The following SRGAP3 variants were observed in gnomAD, a reference collection of about 807,000 sequenced individuals.
SRGAP3 encodes SLIT-ROBO Rho GTPase activating protein 3.
SRGAP3 carries 39 observed loss-of-function variants against 121.1 expected under a neutral mutation model. The ratio of observed to expected loss-of-function variants is 0.32; its 90% CI spans 0.25 to 0.42. The LOEUF (loss-of-function observed/expected upper bound fraction) is 0.42, where lower values mean the gene tolerates loss of function less well. Among genes scored for constraint, SRGAP3 ranks in the 10% least tolerant of loss-of-function variants. SRGAP3 has a pLI of 1.00. For missense variants in SRGAP3, 1,213 were observed against 1,470.6 expected (o/e 0.82, Z 2.86); for synonymous variants, 601 against 570.0 (o/e 1.05, Z -0.77).
At chr3:9,270,897 C>T (rs774582394) in intron 3 of SRGAP3, among the ~76,000 whole-genome samples, 12 of 152,038 alleles carry the variant, frequency 7.9e-5, no homozygotes, top group Non-Finnish European at 1.5e-4. Flanking sequence ...TACCAATAAC[C>T]GCTGAAGACA....
At chr3:9,253,539 A>G (rs1954062676), upstream of SRGAP3, among the ~76,000 whole-genome samples, 1 of 152,200 alleles carries the variant, frequency 6.6e-6, no homozygotes, top group Non-Finnish European at 1.5e-5. Flanking sequence ...TTTGGTTGAA[A>G]GTACTTTTAT....
chr3:9,000,127 C>T (rs868142333), intron 18 of SRGAP3, among the ~76,000 whole-genome samples: 49 of 152,314 alleles, frequency 3.2e-4, no homozygotes, highest in Middle Eastern at 6.8e-3. Flanking sequence ...AGTCACAGGG[C>T]TTTCTTCCTG....
At chr3:9,245,052 C>T (rs1877380) in intron 1 of SRGAP3, among the ~76,000 whole-genome samples, 15,538 of 152,146 alleles carry the variant, frequency 0.1, 879 homozygotes, top group East Asian at 0.21. Flanking sequence ...ATCTAGAGAA[C>T]CACATTTAGA....
In SRGAP3 at chr3:8,984,500, T is replaced by C. The variant is rs1941575280; in HGVS notation, c.*1019A>G. 1 of 232,392 alleles carries C rather than the reference T, an allele frequency of 4.3e-6. No individual in the cohort carries two copies. The highest frequency in any genetic ancestry group is 1.8e-4 in the South Asian group (1 of 5,536). 14.4% of individuals were successfully genotyped at this position (232,392 alleles called of 1,614,324 possible). Reference sequence around the variant, plus strand: ...AACCTCTATAGTTACCACAGATTTATTCCTACAGCATTTCTAGGTTTTGGA... The same window carrying C: ...AACCTCTATAGTTACCACAGATTTACTCCTACAGCATTTCTAGGTTTTGGA... On this transcript the variant is annotated 3_prime_UTR_variant, in exon 22 of 22. Transcript: ENST00000383836.
intron 3 of SRGAP3, among the ~76,000 whole-genome samples, chr3:9,084,760 GT>G (rs1947386008): frequency 6.6e-6 from 1 of 152,166 alleles, no homozygotes; most frequent in Non-Finnish European, 1.5e-5. Flanking sequence ...GTGTCTTTGA[GT>G]TTACAGTCCA....
intron 1 of SRGAP3, among the ~76,000 whole-genome samples, chr3:9,170,566 G>A (rs1950941660): frequency 6.6e-6 from 1 of 152,180 alleles, no homozygotes; most frequent in Non-Finnish European, 1.5e-5. Flanking sequence ...CAAATGGGGA[G>A]AAGGTTTTAG....
At chr3:9,042,185 T>G (rs899536091) in intron 10 of SRGAP3, among the ~76,000 whole-genome samples, 4 of 151,796 alleles carry the variant, frequency 2.6e-5, no homozygotes, top group Non-Finnish European at 2.9e-5. Context: ...ATCAAAAAGA[T>G]TATAATTTTG....
intron 9 of SRGAP3, among the ~76,000 whole-genome samples, chr3:9,052,522 C>G (rs967845275): frequency 2.6e-5 from 4 of 152,108 alleles, no homozygotes; most frequent in African/African-American, 9.7e-5. Flanking sequence ...AACTAAAGCC[C>G]CAGTCCCCGT....
chr3:9,096,801 C>A (rs1947984073), intron 3 of SRGAP3, among the ~76,000 whole-genome samples: 2 of 150,274 alleles, frequency 1.3e-5, no homozygotes, highest in Middle Eastern at 3.5e-3. Context: ...AAAAATTCTT[C>A]CTTCATCCCA....
intron 3 of SRGAP3, among the ~76,000 whole-genome samples, chr3:9,302,049 A>G (rs1234919134): frequency 2.6e-5 from 4 of 152,074 alleles, no homozygotes; most frequent in African/African-American, 9.7e-5. Context: ...TAACATTTTT[A>G]TTGTGCTTAT....
intron 12 of SRGAP3, chr3:9,028,183 G>A: frequency 6.2e-7 from 1 of 1,609,002 alleles, no homozygotes; most frequent in Non-Finnish European, 8.5e-7. Context: ...AAAAGATTAT[G>A]CAGGAATAAG....
At chr3:9,320,901 TTATATA>T (rs769918525) in intron 3 of SRGAP3, among the ~76,000 whole-genome samples, 1 of 151,578 alleles carries the variant, frequency 6.6e-6, no homozygotes, top group East Asian at 1.9e-4. Context: ...TATGTTCACA[TTATATA>T]TATATAGTGT....
At chr3:9,211,091 T>C (rs769853756) in intron 1 of SRGAP3, among the ~76,000 whole-genome samples, 22 of 152,186 alleles carry the variant, frequency 1.4e-4, no homozygotes, top group Non-Finnish European at 2.4e-4. Context: ...TTTTCTTAAT[T>C]AGGTATTTTT....
chr3:9,236,630 CT>C (rs1953420741), intron 1 of SRGAP3, among the ~76,000 whole-genome samples: 2 of 152,100 alleles, frequency 1.3e-5, no homozygotes, highest in Non-Finnish European at 2.9e-5. Context: ...CCTGCTTCCC[CT>C]TCACCTTCTG....
intron 2 of SRGAP3, 91 bp downstream of exon 2, chr3:9,124,634 A>G: frequency 6.5e-7 from 1 of 1,549,296 alleles, no homozygotes; most frequent in Non-Finnish European, 8.8e-7. Flanking sequence ...CCTCCAATGA[A>G]GCTGGCTGGC....
chr3:9,170,312 T>G (rs1950930296), intron 1 of SRGAP3, among the ~76,000 whole-genome samples: 1 of 152,200 alleles, frequency 6.6e-6, no homozygotes, highest in Non-Finnish European at 1.5e-5. Context: ...TGAGACTTGG[T>G]AACATTGTCT....
intron 10 of SRGAP3, 143 bp from the exon 11 acceptor site, chr3:9,038,233 T>C: frequency 9.1e-7 from 1 of 1,101,042 alleles, no homozygotes; most frequent in South Asian, 1.4e-5. Flanking sequence ...TGCGGTCTGT[T>C]GAAAAGAACT....
At chr3:9,089,122 GA>G (rs1475407129) in intron 3 of SRGAP3, among the ~76,000 whole-genome samples, 2 of 152,044 alleles carry the variant, frequency 1.3e-5, no homozygotes, top group Admixed American at 6.6e-5. Context: ...AGCTGAATGA[GA>G]CACGGTCCCT....
intron 1 of SRGAP3, among the ~76,000 whole-genome samples, chr3:9,179,896 G>A (rs570223351): frequency 6.6e-6 from 1 of 152,248 alleles, no homozygotes; most frequent in Non-Finnish European, 1.5e-5. Context: ...GGGCTGTCCT[G>A]TTCAGTGTTG....
Sources: gnomAD v4.1 joint callset for allele counts (sites outside exome capture counted in the v4.1 genomes callset) on GRCh38, gnomAD v4.1.1 for gene constraint, MANE v1.5 for transcripts, NCBI Gene and HGNC (gene_info 2026-07-23, HGNC 2026-07-21) for gene names.